Variants in SPATA13 observed in about 807,000 individuals in gnomAD.
SPATA13 encodes the protein spermatogenesis-associated protein 13.
In SPATA13, 50 loss-of-function variants were observed where a neutral mutation model predicts 104.0. That is an observed-to-expected ratio of 0.48 (90% confidence interval 0.38 to 0.61). The LOEUF is 0.61. Among genes scored for constraint, SPATA13 ranks in the 20% least tolerant of loss-of-function variants. The pLI, the probability that SPATA13 is intolerant of heterozygous loss-of-function variation, is 0.00. For synonymous variants in SPATA13, 606 were observed against 667.5 expected (o/e 0.91, Z 1.42); for missense variants, 1,524 against 1,690.6 (o/e 0.90, Z 1.73).
At chr13:23,992,424 G>A (rs571581078) in intron 2 of SPATA13, among the ~76,000 whole-genome samples, 20 of 152,140 alleles carry the variant, frequency 1.3e-4, no homozygotes, top group African/African-American at 4.1e-4. Flanking sequence ...AAAATTTACC[G>A]CCTGGATACA....
At chr13:24,271,013 T>C (rs74040456) in intron 4 of SPATA13, 3 of 742,574 alleles carry the variant, frequency 4.0e-6, no homozygotes, top group African/African-American at 3.7e-5. Context: ...CTCTCTCCAC[T>C]CTCTCTCACT....
intron 3 of SPATA13, among the ~76,000 whole-genome samples, chr13:24,052,667 C>G (rs1878384996): frequency 6.6e-6 from 1 of 151,630 alleles, no homozygotes; most frequent in Admixed American, 6.6e-5. Context: ...TTTAAGGACT[C>G]TTTGGACACA....
intron 4 of SPATA13, among the ~76,000 whole-genome samples, chr13:24,253,773 C>G (rs1873635517): frequency 1.3e-5 from 2 of 152,064 alleles, no homozygotes; most frequent in South Asian, 4.1e-4. Flanking sequence ...AGGAGAAGTC[C>G]TAGCCGAAGG....
chr13:24,082,037 G>T (rs1879538088), intron 3 of SPATA13, among the ~76,000 whole-genome samples: 1 of 152,336 alleles, frequency 6.6e-6, no homozygotes, highest in East Asian at 1.9e-4. Flanking sequence ...TTGCACTCAT[G>T]CCAGCAGACT....
chr13:24,136,993 C>T, intron 3 of SPATA13, among the ~76,000 whole-genome samples: 1 of 102,038 alleles, frequency 9.8e-6, no homozygotes, highest in Non-Finnish European at 2.1e-5. Flanking sequence ...CTACGCCCGG[C>T]TAATTTTTTT....
intron 7 of SPATA13, 79 bp downstream of exon 7, chr13:24,287,029 A>ACCCCCCG (rs1483517233): frequency 8.6e-6 from 10 of 1,164,444 alleles, no homozygotes; most frequent in African/African-American, 2.0e-5. Flanking sequence ...CCCCACCTCC[A>ACCCCCCG]CCCCCCGCCC....
rs542305743 is a variant in SPATA13 at position 24,004,294 on chromosome 13, G to A, written c.-146-13373G>A. 1.1e-3 allele frequency among the ~76,000 whole-genome samples: 171 copies of A among 152,278 alleles called. 3 individuals carry two copies. Among genetic ancestry groups the A allele is most frequent in the African/African-American group, 3.7e-3 (155 of 41,548 alleles). ...AATAAAGAGTCAGGAGTGAAATCCCGGTTCTTGTACCAACACCTATCTGCG... is the reference window on the plus strand; with the variant it reads ...AATAAAGAGTCAGGAGTGAAATCCCAGTTCTTGTACCAACACCTATCTGCG... On this transcript the variant is annotated intron_variant, in intron 2 of 14. Transcript: ENST00000424834.
chr13:24,208,139 G>C (rs1870812883), intron 1 of SPATA13, among the ~76,000 whole-genome samples: 1 of 152,176 alleles, frequency 6.6e-6, no homozygotes, highest in South Asian at 2.1e-4. Flanking sequence ...TTTGTCAGCA[G>C]GCTGGAGGAA....
intron 2 of SPATA13, among the ~76,000 whole-genome samples, chr13:24,006,033 G>A (rs1056678086): frequency 7.2e-5 from 11 of 152,234 alleles, no homozygotes; most frequent in Non-Finnish European, 1.6e-4. Flanking sequence ...GGGTCAGACT[G>A]GCTGGGCTGC....
chr13:24,123,735 A>G, intron 3 of SPATA13: 1 of 1,523,922 alleles, frequency 6.6e-7, no homozygotes, highest in South Asian at 1.1e-5. Flanking sequence ...CATCAGTGGA[A>G]AAATAACATC....
intron 4 of SPATA13, among the ~76,000 whole-genome samples, chr13:24,261,640 A>T (rs902414334): frequency 6.6e-6 from 1 of 152,206 alleles, no homozygotes; most frequent in East Asian, 1.9e-4. Flanking sequence ...GTAGCCAGGC[A>T]GGTAAGCGGT....
chr13:24,023,753 C>T (rs2104444), intron 3 of SPATA13, among the ~76,000 whole-genome samples: 81,559 of 151,998 alleles, frequency 0.54, 22,047 homozygotes, highest in Middle Eastern at 0.57. Flanking sequence ...GGAATGTGGG[C>T]GCCTCTCAAA....
At chr13:24,191,292 G>A (rs1869726004) in intron 1 of SPATA13, among the ~76,000 whole-genome samples, 2 of 151,914 alleles carry the variant, frequency 1.3e-5, no homozygotes, top group South Asian at 4.2e-4. Flanking sequence ...TAAAATTAAT[G>A]TATGTACATT....
At chr13:24,119,196 C>T (rs1239859939) in intron 3 of SPATA13, among the ~76,000 whole-genome samples, 2 of 152,078 alleles carry the variant, frequency 1.3e-5, no homozygotes, top group African/African-American at 2.4e-5. Flanking sequence ...CGTGAGCCAC[C>T]GCGCCCGGCT....
At chr13:24,035,502 G>T (rs912863959) in intron 3 of SPATA13, among the ~76,000 whole-genome samples, 2 of 152,180 alleles carry the variant, frequency 1.3e-5, no homozygotes, top group Non-Finnish European at 2.9e-5. Flanking sequence ...TGGAGACTTG[G>T]AACAGAATGT....
chr13:24,027,197 C>G (rs1273547725), intron 3 of SPATA13, among the ~76,000 whole-genome samples: 1 of 142,218 alleles, frequency 7.0e-6, no homozygotes, highest in Admixed American at 7.3e-5. Flanking sequence ...TGCAGTGGCA[C>G]AATCTCAGCT....
intron 4 of SPATA13, among the ~76,000 whole-genome samples, chr13:24,269,434 G>T (rs1237209368): frequency 6.6e-6 from 1 of 152,156 alleles, no homozygotes; most frequent in African/African-American, 2.4e-5. Flanking sequence ...ATCTAGCTCT[G>T]TAACTCACAA....
intron 2 of SPATA13, among the ~76,000 whole-genome samples, chr13:24,003,489 T>A (rs1196373785): frequency 6.6e-6 from 1 of 152,348 alleles, no homozygotes; most frequent in Admixed American, 6.5e-5. Flanking sequence ...AAGTAATGCG[T>A]AATTTTTTCT....
chr13:24,027,326 C>T (rs1240625858), intron 3 of SPATA13, among the ~76,000 whole-genome samples: 3 of 151,422 alleles, frequency 2.0e-5, no homozygotes, highest in South Asian at 4.2e-4. Flanking sequence ...GTAGAGACGG[C>T]GTTTCACCAT....
Sources: gnomAD v4.1 joint callset for allele counts (sites outside exome capture counted in the v4.1 genomes callset) on GRCh38, gnomAD v4.1.1 for gene constraint, MANE v1.5 for transcripts, NCBI Gene and HGNC (gene_info 2026-07-23, HGNC 2026-07-21) for gene names.